PDZD2: variants seen among roughly 807,000 people sequenced by gnomAD.
The protein encoded by PDZD2 is PDZ domain containing 2.
PDZD2 carries 90 observed loss-of-function variants against 220.7 expected under a neutral mutation model. That is an observed-to-expected ratio of 0.41 (90% CI 0.34 to 0.49). PDZD2 has a LOEUF of 0.49. Ranked by LOEUF, PDZD2 falls within the 20% of genes least tolerant of loss-of-function variation. PDZD2 has a pLI of 0.28. For synonymous variants in PDZD2, 1,375 were observed against 1,450.5 expected, an observed-to-expected ratio of 0.95 and a Z score of 1.18; for missense variants, 3,174 against 3,608.5, an observed-to-expected ratio of 0.88 and a Z score of 3.08.
chr5:31,850,032 ATACAC>A (rs1561507675), intron 2 of PDZD2, among the ~76,000 whole-genome samples: 5 of 76,306 alleles, frequency 6.6e-5, no homozygotes, highest in Admixed American at 1.2e-4. Context: ...ATACTCATAT[ATACAC>A]GTATATATAT....
At chr5:31,935,236 C>T (rs1267724415) in intron 2 of PDZD2, among the ~76,000 whole-genome samples, 1 of 152,140 alleles carries the variant, frequency 6.6e-6, no homozygotes, top group Non-Finnish European at 1.5e-5. Context: ...TGCACATGTA[C>T]ATTTTTATAC....
chr5:31,997,928 C>T (rs766171327), intron 4 of PDZD2, among the ~76,000 whole-genome samples: 6 of 152,210 alleles, frequency 3.9e-5, no homozygotes, highest in Non-Finnish European at 5.9e-5. Flanking sequence ...CCACAACCTC[C>T]GCCTCCCAGG....
intron 1 of PDZD2, among the ~76,000 whole-genome samples, chr5:31,746,049 A>G (rs1303396093): frequency 6.6e-6 from 1 of 152,116 alleles, no homozygotes; most frequent in Non-Finnish European, 1.5e-5. Flanking sequence ...AGGGCTCTAA[A>G]TAGAACTGTG....
chr5:31,791,590 C>CAAAAAA (rs1157216997), intron 1 of PDZD2, among the ~76,000 whole-genome samples: 30 of 50,318 alleles, frequency 6.0e-4, no homozygotes, highest in African/African-American at 1.6e-3. Flanking sequence ...AACTCCGTCT[C>CAAAAAA]AAAAAAAAAA....
chr5:31,930,833 G>A (rs949212080), intron 2 of PDZD2, among the ~76,000 whole-genome samples: 1 of 152,144 alleles, frequency 6.6e-6, no homozygotes, highest in Non-Finnish European at 1.5e-5. Flanking sequence ...ACTTTGGGAG[G>A]CCAAGGCTAG....
intron 2 of PDZD2, among the ~76,000 whole-genome samples, chr5:31,932,410 G>A (rs1180624208): frequency 2.0e-5 from 3 of 152,090 alleles, no homozygotes; most frequent in African/African-American, 4.8e-5. Context: ...TTAGCTAGGC[G>A]TGGTGGCGTG....
chr5:32,017,839 C>A (rs1037910598), intron 6 of PDZD2, among the ~76,000 whole-genome samples: 1 of 152,134 alleles, frequency 6.6e-6, no homozygotes. Context: ...ACCAAAAAGG[C>A]ACCAGGGCAA....
intron 14 of PDZD2, among the ~76,000 whole-genome samples, chr5:32,061,529 A>C (rs149661282): frequency 6.6e-6 from 1 of 152,170 alleles, no homozygotes. Flanking sequence ...TTGTTGGGCC[A>C]TATGTTGGGA....
At position 31,983,538 on chromosome 5, in the gene PDZD2, A is replaced by G; in HGVS notation, c.860A>G (p.Asp287Gly). ...CCCCATCTAGAGAGGTCAGAAGTGGACAGAGGGACAGAGCATAGAATTCCA... is the reference window on the plus strand; with the variant it reads ...CCCCATCTAGAGAGGTCAGAAGTGGGCAGAGGGACAGAGCATAGAATTCCA... ...AGPHLERSEV[D>G]RGTEHRIPKT... The change falls in exon 3 of 25, where the codon GAC becomes GGC. Residue 287 changes from aspartate to glycine, a missense_variant. Asp to Gly is a moderately conservative substitution (Grantham distance 94, BLOSUM62 -1). Around this residue, in one of 4 missense-constraint regions of PDZD2, gnomAD observed 632 missense variants for 708.1 expected, o/e 0.89. Transcript: ENST00000438447. 2 of 1,614,216 alleles carry G rather than the reference A, an allele frequency of 1.2e-6. No individual in the cohort carries two copies. Among genetic ancestry groups the G allele is most frequent in the Admixed American group, 1.7e-5 (1 of 60,026 alleles).
At chr5:31,862,127 A>G (rs1206135487) in intron 2 of PDZD2, among the ~76,000 whole-genome samples, 6 of 85,492 alleles carry the variant, frequency 7.0e-5, no homozygotes, top group African/African-American at 3.0e-4. Flanking sequence ...TTTTTTTGAG[A>G]TGGAGTCTCG....
intron 2 of PDZD2, among the ~76,000 whole-genome samples, chr5:31,800,312 T>C (rs1201831197): frequency 6.6e-6 from 1 of 152,152 alleles, no homozygotes. Context: ...AAGCTTCCAG[T>C]TGTCTCTCCC....
intron 1 of PDZD2, among the ~76,000 whole-genome samples, chr5:31,784,278 G>A (rs1200997263): frequency 6.6e-6 from 1 of 152,130 alleles, no homozygotes; most frequent in African/African-American, 2.4e-5. Context: ...TCGGGACCTG[G>A]GGCAATAGTG....
chr5:31,946,638 C>A (rs886073992), intron 2 of PDZD2, among the ~76,000 whole-genome samples: 1 of 152,204 alleles, frequency 6.6e-6, no homozygotes, highest in South Asian at 2.1e-4. Flanking sequence ...TGTCATTTTA[C>A]AAAGCAGTCC....
intron 8 of PDZD2, among the ~76,000 whole-genome samples, 189 bp downstream of exon 8, chr5:32,048,873 A>T (rs1327939818): frequency 1.3e-5 from 2 of 152,082 alleles, no homozygotes; most frequent in South Asian, 2.1e-4. Context: ...GTGGGGGGAA[A>T]ATCCCTCATT....
intron 2 of PDZD2, among the ~76,000 whole-genome samples, chr5:31,968,853 C>G (rs1749006435): frequency 2.2e-5 from 1 of 44,712 alleles, no homozygotes; most frequent in Non-Finnish European, 4.1e-5. Context: ...TGTTAATAAG[C>G]TACCCAGCCT....
chr5:31,729,945 G>A (rs1455330609), intron 1 of PDZD2, among the ~76,000 whole-genome samples: 1 of 151,932 alleles, frequency 6.6e-6, no homozygotes, highest in African/African-American at 2.4e-5. Flanking sequence ...CTCCTGTCTC[G>A]GCCTTCTGAG....
chr5:31,808,956 G>A (rs1020007738), intron 2 of PDZD2, among the ~76,000 whole-genome samples: 5 of 151,252 alleles, frequency 3.3e-5, no homozygotes, highest in East Asian at 1.9e-4. Context: ...TCCAGCCTGG[G>A]CAACAGAGCA....
chr5:31,983,469 T>G lies in PDZD2; in HGVS notation c.791T>G (p.Phe264Cys). ...PDPELGNGHV[F>C]QLENGPDSLK... ...CCTGAACTTGGAAACGGCCATGTCTTTCAGCTAGAAAATGGCCCAGATTCT... is the reference window on the plus strand; with the variant it reads ...CCTGAACTTGGAAACGGCCATGTCTGTCAGCTAGAAAATGGCCCAGATTCT... Residue 264 changes from phenylalanine (F) to cysteine (C), a missense_variant, in exon 3 of 25, where the codon TTT (phenylalanine) becomes TGT (cysteine). Physicochemically the swap from Phe to Cys is radical, Grantham distance 205 (BLOSUM62 -2). Transcript: ENST00000438447. 1 of 1,614,176 alleles carries G rather than the reference T, an allele frequency of 6.2e-7. No homozygotes were observed.
At chr5:31,736,638 G>T (rs1002622509) in intron 1 of PDZD2, among the ~76,000 whole-genome samples, 4 of 152,204 alleles carry the variant, frequency 2.6e-5, no homozygotes, top group African/African-American at 7.2e-5. Flanking sequence ...GAAGTGGCTT[G>T]CCAAATCAGT....
Sources: allele counts gnomAD v4.1 joint callset (sites outside exome capture counted in the v4.1 genomes callset), GRCh38; gene constraint gnomAD v4.1.1; regional missense constraint gnomAD v4.1.1; transcripts MANE v1.5; gene names NCBI Gene and HGNC (gene_info 2026-07-23, HGNC 2026-07-21).